DAB1: variants seen among roughly 807,000 people sequenced by gnomAD.
DAB1 encodes DAB adaptor protein 1.
A neutral mutation model predicts 64.6 loss-of-function variants in DAB1; 15 were observed. The observed-to-expected ratio is 0.23, with a 90% CI of 0.16 to 0.36. DAB1 has a LOEUF of 0.36. Ranked by LOEUF, DAB1 falls within the 10% of genes least tolerant of loss-of-function variation. The pLI, the probability that DAB1 is intolerant of heterozygous loss-of-function variation, is 1.00. For synonymous variants in DAB1, 235 were observed against 251.9 expected (o/e 0.93, Z 0.64); for missense variants, 596 against 706.7 (o/e 0.84, Z 1.78).
chr1:57,707,100 C>A (rs112381071), intron 6 of DAB1, among the ~76,000 whole-genome samples: 5,249 of 151,662 alleles, frequency 0.035, 115 homozygotes, highest in Non-Finnish European at 0.048. Context: ...AACAAAAAAA[C>A]CCCCCAAAAA....
At chr1:58,313,877 G>A (rs1189219390) in intron 4 of DAB1, among the ~76,000 whole-genome samples, 1 of 150,922 alleles carries the variant, frequency 6.6e-6, no homozygotes, top group Non-Finnish European at 1.5e-5. Context: ...GAGAGAGAGA[G>A]AGATAAAGGC....
intron 7 of DAB1, among the ~76,000 whole-genome samples, chr1:57,610,732 G>A (rs1645715732): frequency 6.6e-6 from 1 of 152,084 alleles, no homozygotes; most frequent in African/African-American, 2.4e-5. Flanking sequence ...AAAACCATTA[G>A]GTCTTATGAG....
chr1:58,146,265 G>A (rs922816586), intron 5 of DAB1, among the ~76,000 whole-genome samples: 1 of 151,964 alleles, frequency 6.6e-6, no homozygotes, highest in African/African-American at 2.4e-5. Context: ...GTTGTTCAAG[G>A]GTCGACTGTA....
chr1:57,855,255 T>A (rs1653702458), intron 1 of DAB1, among the ~76,000 whole-genome samples: 1 of 152,124 alleles, frequency 6.6e-6, no homozygotes, highest in Non-Finnish European at 1.5e-5. Context: ...TGCTTGGTGT[T>A]TTCCAAATAT....
At chr1:58,284,584 C>A (rs920793441) in intron 4 of DAB1, among the ~76,000 whole-genome samples, 4 of 152,278 alleles carry the variant, frequency 2.6e-5, no homozygotes, top group Non-Finnish European at 4.4e-5. Context: ...CCTCTGACCA[C>A]AGGGCTTATG....
chr1:57,492,117 T>G (rs558980501), intron 7 of DAB1, among the ~76,000 whole-genome samples: 2 of 152,344 alleles, frequency 1.3e-5, no homozygotes, highest in African/African-American at 4.8e-5. Context: ...TTTTCTCCAG[T>G]TGACAAAGAA....
At chr1:58,426,675 G>A (rs1185276955) in intron 3 of DAB1, among the ~76,000 whole-genome samples, 1 of 152,198 alleles carries the variant, frequency 6.6e-6, no homozygotes, top group African/African-American at 2.4e-5. Flanking sequence ...CTACCAGAGA[G>A]AGACAGAGAA....
At chr1:58,411,575 T>C (rs1276118515) in intron 3 of DAB1, among the ~76,000 whole-genome samples, 1 of 151,718 alleles carries the variant, frequency 6.6e-6, no homozygotes, top group Non-Finnish European at 1.5e-5. Flanking sequence ...CAAAGAGGAG[T>C]TGTCCAAGCA....
chr1:57,354,064 G>A (rs988529464), intron 1 of DAB1, among the ~76,000 whole-genome samples: 5 of 152,052 alleles, frequency 3.3e-5, no homozygotes, highest in African/African-American at 9.7e-5. Flanking sequence ...GAGACCACAT[G>A]ATGCCTCCAA....
At chr1:57,316,924 C>T (rs1313296339) in intron 1 of DAB1, among the ~76,000 whole-genome samples, 1 of 152,180 alleles carries the variant, frequency 6.6e-6, no homozygotes, top group Non-Finnish European at 1.5e-5. Context: ...TGAGTGTGGG[C>T]TGGACTTAGT....
intron 7 of DAB1, among the ~76,000 whole-genome samples, chr1:57,493,709 G>C (rs556638782): frequency 2.6e-5 from 4 of 151,554 alleles, no homozygotes; most frequent in African/African-American, 9.7e-5. Flanking sequence ...GGAAGGGTGA[G>C]ACCGAAAGAT....
In DAB1 at chr1:58,364,172, G is replaced by A. The variant is rs187810207; in HGVS notation, n.258-20769C>T. On this transcript the variant is annotated intron_variant and non_coding_transcript_variant, in intron 3 of 20. Coordinates refer to the DAB1 transcript ENST00000485760. ...TACACTGCTGTGTCATGCTGGAACT[G>A]GGATGTGAACCCTTGAGGAGGGAAG... is the stretch of plus-strand genomic sequence containing the variant. 2.6e-5 allele frequency among the ~76,000 whole-genome samples: 4 copies of A among 152,296 alleles called. No homozygotes were observed. The East Asian group carries it at 5.8e-4, about 22-fold the overall frequency.
intron 6 of DAB1, among the ~76,000 whole-genome samples, chr1:57,755,432 A>G (rs1458071230): frequency 1.3e-5 from 2 of 152,204 alleles, no homozygotes; most frequent in Non-Finnish European, 1.5e-5. Flanking sequence ...AATTCATTCA[A>G]TAAGAATTTA....
chr1:57,179,420 G>T (rs1310924380), intron 2 of DAB1, among the ~76,000 whole-genome samples: 2 of 152,220 alleles, frequency 1.3e-5, no homozygotes, highest in African/African-American at 2.4e-5. Context: ...AGCTCAGGGA[G>T]GGACAACAAT....
intron 7 of DAB1, among the ~76,000 whole-genome samples, chr1:57,470,169 C>A (rs929921599): frequency 2.6e-5 from 4 of 152,318 alleles, no homozygotes; most frequent in African/African-American, 9.6e-5. Context: ...TTGGTCTCCA[C>A]TGAGGTGCTG....
chr1:58,545,212 T>G (rs1360468162), intron 1 of DAB1, among the ~76,000 whole-genome samples: 1 of 152,216 alleles, frequency 6.6e-6, no homozygotes, highest in East Asian at 1.9e-4. Context: ...TGCACATCTA[T>G]TCACACTGCT....
intron 7 of DAB1, among the ~76,000 whole-genome samples, chr1:57,522,528 G>A (rs56846955): frequency 0.013 from 2,048 of 152,268 alleles, 34 homozygotes; most frequent in African/African-American, 0.037. Flanking sequence ...GGGGTTTAAT[G>A]GACTCACAGT....
intron 5 of DAB1, among the ~76,000 whole-genome samples, chr1:57,969,915 A>G (rs952442402): frequency 6.6e-6 from 1 of 152,074 alleles, no homozygotes; most frequent in Non-Finnish European, 1.5e-5. Flanking sequence ...CTAATCCACA[A>G]TGTAATGGTA....
intron 1 of DAB1, among the ~76,000 whole-genome samples, chr1:57,847,265 T>C (rs1346812673): frequency 6.6e-6 from 1 of 151,404 alleles, no homozygotes; most frequent in Non-Finnish European, 1.5e-5. Flanking sequence ...CATTCAGCTT[T>C]TAAATCACAG....
Sources: allele counts gnomAD v4.1 joint callset (sites outside exome capture counted in the v4.1 genomes callset), GRCh38; gene constraint gnomAD v4.1.1; transcripts MANE v1.5; gene names NCBI Gene and HGNC (gene_info 2026-07-23, HGNC 2026-07-21).